The following CCDC178 variants were observed in gnomAD, a reference collection of about 807,000 sequenced individuals.
CCDC178 encodes coiled-coil domain-containing protein 178.
Under a neutral mutation model 117.4 loss-of-function variants are expected in CCDC178, and 126 were observed. The ratio of observed to expected loss-of-function variants is 1.07; its 90% CI spans 0.93 to 1.24. CCDC178 has a LOEUF of 1.24. CCDC178 is among the 50% of genes most tolerant of loss of function. The pLI is 0.00. For missense variants in CCDC178, 1,030 were observed against 986.9 expected (o/e 1.04, Z -0.59); for synonymous variants, 283 against 313.4 (o/e 0.90, Z 1.02).
At chr18:33,417,401 A>G (rs2063958807) in intron 2 of CCDC178, among the ~76,000 whole-genome samples, 1 of 152,196 alleles carries the variant, frequency 6.6e-6, no homozygotes, top group Admixed American at 6.5e-5. Flanking sequence ...ACAGAGTGGG[A>G]GAACAGATTA....
chr18:33,128,970 T>G (rs2058039741), intron 20 of CCDC178, among the ~76,000 whole-genome samples: 1 of 152,138 alleles, frequency 6.6e-6, no homozygotes, highest in South Asian at 2.1e-4. Flanking sequence ...CTTTTAAAGT[T>G]TTATATCCCA....
At chr18:33,340,190 C>T (rs2062798060) in intron 9 of CCDC178, among the ~76,000 whole-genome samples, 1 of 152,072 alleles carries the variant, frequency 6.6e-6, no homozygotes, top group East Asian at 1.9e-4. Flanking sequence ...GTGACTCTTG[C>T]TATGTTTTAG....
chr18:33,390,574 G>A (rs1187107095), intron 4 of CCDC178, among the ~76,000 whole-genome samples: 1 of 152,026 alleles, frequency 6.6e-6, no homozygotes, highest in Non-Finnish European at 1.5e-5. Flanking sequence ...AACAAAGTCA[G>A]ATAAAACATA....
intron 12 of CCDC178, among the ~76,000 whole-genome samples, chr18:33,277,723 T>TTC (rs2059967509): frequency 6.6e-6 from 1 of 152,166 alleles, no homozygotes. Context: ...GGCTGAGCAC[T>TTC]TCTCATGCTT....
chr18:33,126,730 C>T (rs897951900), intron 20 of CCDC178, among the ~76,000 whole-genome samples: 5 of 152,002 alleles, frequency 3.3e-5, no homozygotes, highest in African/African-American at 1.2e-4. Context: ...GCCATCTCAG[C>T]TCACTGCAAC....
intron 21 of CCDC178, among the ~76,000 whole-genome samples, chr18:33,028,182 A>T (rs531391577): frequency 4.3e-4 from 66 of 151,854 alleles, no homozygotes; most frequent in African/African-American, 1.5e-3. Context: ...GTAGAGAAAG[A>T]CAACAAAACC....
intron 20 of CCDC178, chr18:33,135,878 C>T (rs750980856): frequency 6.6e-6 from 1 of 152,194 alleles, no homozygotes; most frequent in Non-Finnish European, 1.5e-5. Flanking sequence ...TGGTAATAGA[C>T]ACAGATTCTT....
At chr18:33,114,863 A>G (rs1025571329) in intron 20 of CCDC178, among the ~76,000 whole-genome samples, 1 of 152,098 alleles carries the variant, frequency 6.6e-6, no homozygotes, top group African/African-American at 2.4e-5. Flanking sequence ...TCCAAAGGCC[A>G]AAGTTTTTAT....
At chr18:33,404,322 AT>A (rs1275445439) in intron 3 of CCDC178, among the ~76,000 whole-genome samples, 1 of 152,068 alleles carries the variant, frequency 6.6e-6, no homozygotes, top group African/African-American at 2.4e-5. Flanking sequence ...AGAGCTCTGT[AT>A]TATGTACCAG....
intron 15 of CCDC178, among the ~76,000 whole-genome samples, chr18:33,232,292 T>C (rs1412647920): frequency 1.3e-5 from 2 of 151,974 alleles, no homozygotes. Flanking sequence ...GGACAAACAG[T>C]CAATACTGAG....
chr18:33,085,419 C>T (rs942413804), intron 21 of CCDC178, among the ~76,000 whole-genome samples: 6 of 151,966 alleles, frequency 3.9e-5, no homozygotes, highest in Non-Finnish European at 7.4e-5. Flanking sequence ...AAAAATTAGC[C>T]AGGTGTGGTG....
At chr18:33,222,661 G>T (rs1448388818) in intron 18 of CCDC178, among the ~76,000 whole-genome samples, 1 of 151,872 alleles carries the variant, frequency 6.6e-6, no homozygotes, top group Non-Finnish European at 1.5e-5. Flanking sequence ...TATGAATTTT[G>T]GGGGAACACA....
intron 14 of CCDC178, among the ~76,000 whole-genome samples, chr18:33,262,811 G>A (rs1423125941): frequency 6.6e-6 from 1 of 152,036 alleles, no homozygotes; most frequent in Non-Finnish European, 1.5e-5. Context: ...GTTATTATTT[G>A]ACTGATTTAT....
chr18:33,183,521 G>A (rs1169111912), intron 20 of CCDC178, among the ~76,000 whole-genome samples: 5 of 151,842 alleles, frequency 3.3e-5, no homozygotes, highest in African/African-American at 9.7e-5. Context: ...AAATTGGCAC[G>A]GTATGATTGC....
chr18:32,977,150 C>A (rs2055045062), intron 21 of CCDC178, among the ~76,000 whole-genome samples: 1 of 151,998 alleles, frequency 6.6e-6, no homozygotes, highest in South Asian at 2.1e-4. Context: ...TTTGATTAAC[C>A]CCCGTTTACA....
intron 12 of CCDC178, among the ~76,000 whole-genome samples, chr18:33,284,901 T>C (rs1343918790): frequency 6.6e-6 from 1 of 151,326 alleles, no homozygotes; most frequent in African/African-American, 2.4e-5. Context: ...CTGTAGCTCT[T>C]GGGGAAAGAA....
chr18:33,039,898 T>C (rs940449378), intron 21 of CCDC178, among the ~76,000 whole-genome samples: 6 of 152,046 alleles, frequency 3.9e-5, no homozygotes, highest in Non-Finnish European at 5.9e-5. Context: ...TTTTTCACTC[T>C]ATTCATCCCA....
chr18:33,119,295 A>T (rs2144203565), intron 20 of CCDC178, among the ~76,000 whole-genome samples: 1 of 152,350 alleles, frequency 6.6e-6, no homozygotes, highest in East Asian at 1.9e-4. Flanking sequence ...CTTATCTGAC[A>T]AAGGGCTAAT....
chr18:33,435,443 T>C (rs907831844), intron 2 of CCDC178, among the ~76,000 whole-genome samples: 1 of 152,050 alleles, frequency 6.6e-6, no homozygotes, highest in Non-Finnish European at 1.5e-5. Context: ...GTATGTTAAT[T>C]TGTTCATTCA....
Sources: gnomAD v4.1 joint callset for allele counts (sites outside exome capture counted in the v4.1 genomes callset) on GRCh38, gnomAD v4.1.1 for gene constraint, MANE v1.5 for transcripts, NCBI Gene and HGNC (gene_info 2026-07-23, HGNC 2026-07-21) for gene names.